The following LSAMP variants were observed in gnomAD, a reference collection of about 807,000 sequenced individuals.
The protein encoded by LSAMP is limbic system associated membrane protein, also known as limbic system-associated membrane protein.
A neutral mutation model predicts 38.6 loss-of-function variants in LSAMP; 7 were observed. The observed-to-expected ratio is 0.18, with a 90% CI of 0.10 to 0.34. LSAMP has a LOEUF of 0.34. Ranked by LOEUF, LSAMP falls within the 10% of genes least tolerant of loss-of-function variation. The pLI, the probability that LSAMP is intolerant of heterozygous loss-of-function variation, is 1.00. For missense variants in LSAMP, 313 were observed against 420.0 expected (o/e 0.75, Z 2.23); for synonymous variants, 154 against 166.8 (o/e 0.92, Z 0.59).
chr3:116,073,194 T>C (rs1254496773), intron 2 of LSAMP, among the ~76,000 whole-genome samples: 3 of 152,188 alleles, frequency 2.0e-5, no homozygotes, highest in Admixed American at 6.5e-5. Flanking sequence ...TTTTGTCAGG[T>C]TTGTCAAAGA....
chr3:115,916,860 G>A (rs1937263017), intron 3 of LSAMP, among the ~76,000 whole-genome samples: 1 of 152,180 alleles, frequency 6.6e-6, no homozygotes, highest in South Asian at 2.1e-4. Flanking sequence ...TTGCATGAAT[G>A]CCTTTATATT....
Position 116,207,810 on chromosome 3 carries a change from C to A in LSAMP, c.156-121254G>T, listed in dbSNP as rs367804098. 5.5e-3 allele frequency among the ~76,000 whole-genome samples: 834 copies of A among 152,212 alleles called. 6 individuals are homozygous for A. The highest frequency in any genetic ancestry group is 0.031 in the East Asian group (158 of 5,174). ...GATGGGCTTCCCTTTGAGGGTAACC[C>A]GACCTTTCTCTTTGGCTGCCCTTAA... On this transcript the variant is annotated intron_variant, in intron 1 of 6. Transcript: ENST00000490035.
intron 6 of LSAMP, among the ~76,000 whole-genome samples, chr3:115,828,491 T>A (rs1172136222): frequency 1.3e-5 from 2 of 152,218 alleles, no homozygotes; most frequent in African/African-American, 2.4e-5. Flanking sequence ...AGTCGACTGC[T>A]ATGCCCATGT....
At chr3:116,369,440 CTCT>C (rs1240886163) in intron 1 of LSAMP, among the ~76,000 whole-genome samples, 1 of 152,128 alleles carries the variant, frequency 6.6e-6, no homozygotes, top group Non-Finnish European at 1.5e-5. Context: ...CTGGCTGTGT[CTCT>C]TCTTCCCACT....
At chr3:115,995,337 AG>A (rs1213973437) in intron 3 of LSAMP, among the ~76,000 whole-genome samples, 1 of 152,014 alleles carries the variant, frequency 6.6e-6, no homozygotes, top group Non-Finnish European at 1.5e-5. Context: ...ATCCCAGACA[AG>A]GGGGGCTTTT....
intron 1 of LSAMP, among the ~76,000 whole-genome samples, chr3:116,290,115 A>C (rs1432027000): frequency 6.6e-6 from 1 of 152,226 alleles, no homozygotes; most frequent in Non-Finnish European, 1.5e-5. Flanking sequence ...AATCTGATGA[A>C]TTCTAGAATG....
At chr3:116,247,442 A>C (rs772350644) in intron 1 of LSAMP, among the ~76,000 whole-genome samples, 5 of 152,226 alleles carry the variant, frequency 3.3e-5, no homozygotes, top group African/African-American at 1.2e-4. Flanking sequence ...TAATTGATAG[A>C]CTGAAAAAGT....
intron 1 of LSAMP, among the ~76,000 whole-genome samples, chr3:116,135,539 A>G (rs1301165450): frequency 6.6e-6 from 1 of 152,154 alleles, no homozygotes; most frequent in Non-Finnish European, 1.5e-5. Flanking sequence ...GATGACAGAA[A>G]CCACTAGACT....
At chr3:116,162,343 C>T (rs1471419743) in intron 1 of LSAMP, among the ~76,000 whole-genome samples, 1 of 152,090 alleles carries the variant, frequency 6.6e-6, no homozygotes, top group Non-Finnish European at 1.5e-5. Context: ...GGGAGAAACT[C>T]CCCTAGAAAA....
intron 2 of LSAMP, among the ~76,000 whole-genome samples, chr3:116,020,082 T>G (rs1940596273): frequency 6.6e-6 from 1 of 152,194 alleles, no homozygotes; most frequent in African/African-American, 2.4e-5. Flanking sequence ...AGCATAAGAT[T>G]ACATTACTGT....
chr3:116,096,238 G>A (rs1408454648), intron 1 of LSAMP, among the ~76,000 whole-genome samples: 1 of 152,144 alleles, frequency 6.6e-6, no homozygotes, highest in African/African-American at 2.4e-5. Context: ...GGATATATTT[G>A]GAGTACACAG....
chr3:115,882,561 G>T (rs1232875138), intron 3 of LSAMP, among the ~76,000 whole-genome samples: 1 of 151,890 alleles, frequency 6.6e-6, no homozygotes, highest in Non-Finnish European at 1.5e-5. Flanking sequence ...GCATAATAGA[G>T]TTCCCATAGA....
chr3:116,086,241 A>C, intron 2 of LSAMP, 83 bp downstream of exon 2: 1 of 1,057,020 alleles, frequency 9.5e-7, no homozygotes, highest in East Asian at 2.5e-5. Context: ...CTTTTCAGGA[A>C]GGATTCTGCA....
At chr3:116,076,482 C>T (rs551656322) in intron 2 of LSAMP, among the ~76,000 whole-genome samples, 1 of 152,152 alleles carries the variant, frequency 6.6e-6, no homozygotes, top group Non-Finnish European at 1.5e-5. Context: ...TGGTCTCAAT[C>T]TCATGACCTC....
At chr3:115,927,257 T>A (rs1008377985) in intron 3 of LSAMP, among the ~76,000 whole-genome samples, 1 of 152,168 alleles carries the variant, frequency 6.6e-6, no homozygotes, top group Non-Finnish European at 1.5e-5. Context: ...AGGAGAGACT[T>A]GGCATAAAAG....
At chr3:116,304,183 C>T (rs936130700) in intron 1 of LSAMP, among the ~76,000 whole-genome samples, 1 of 151,806 alleles carries the variant, frequency 6.6e-6, no homozygotes, top group Admixed American at 6.6e-5. Context: ...AATTGTGTGC[C>T]CTCAAGGAGT....
intron 1 of LSAMP, among the ~76,000 whole-genome samples, chr3:116,111,125 CTT>C (rs1657520430): frequency 6.6e-6 from 1 of 152,062 alleles, no homozygotes. Flanking sequence ...GGGGCAGGGC[CTT>C]TTCACTTCTT....
At chr3:116,095,447 A>G (rs1380838438) in intron 1 of LSAMP, among the ~76,000 whole-genome samples, 1 of 152,214 alleles carries the variant, frequency 6.6e-6, no homozygotes, top group Admixed American at 6.5e-5. Context: ...GCACAGATGC[A>G]TATCCATGCA....
intron 1 of LSAMP, among the ~76,000 whole-genome samples, chr3:116,105,809 A>C (rs1164987189): frequency 1.3e-5 from 2 of 152,158 alleles, no homozygotes; most frequent in Non-Finnish European, 2.9e-5. Context: ...TTCTTATATT[A>C]ATAAGAAAAA....
Sources: gnomAD v4.1 joint callset for allele counts (sites outside exome capture counted in the v4.1 genomes callset) on GRCh38, gnomAD v4.1.1 for gene constraint, MANE v1.5 for transcripts, NCBI Gene and HGNC (gene_info 2026-07-23, HGNC 2026-07-21) for gene names.